Variants in MGAT4C observed in about 807,000 individuals in gnomAD.
The protein encoded by MGAT4C is MGAT4 family member C, also known as alpha-1,3-mannosyl-glycoprotein 4-beta-N-acetylglucosaminyltransferase C.
In MGAT4C, 19 loss-of-function variants were observed where a neutral mutation model predicts 40.1. That is an observed-to-expected ratio of 0.47 (90% CI 0.33 to 0.70). The LOEUF (loss-of-function observed/expected upper bound fraction) is 0.70. Ranked by LOEUF, MGAT4C falls within the 30% of genes least tolerant of loss-of-function variation. MGAT4C has a pLI of 0.02. For synonymous variants in MGAT4C, 181 were observed against 187.1 expected (o/e 0.97, Z 0.27); for missense variants, 491 against 563.2 (o/e 0.87, Z 1.30).
At chr12:86,083,010 T>C (rs2135547791) in intron 1 of MGAT4C, among the ~76,000 whole-genome samples, 1 of 152,190 alleles carries the variant, frequency 6.6e-6, no homozygotes, top group South Asian at 2.1e-4. Context: ...AGTCTCAATC[T>C]ACCCACAAAT....
intron 4 of MGAT4C, among the ~76,000 whole-genome samples, chr12:86,292,543 T>C (rs765108286): frequency 3.9e-5 from 6 of 152,062 alleles, no homozygotes; most frequent in Non-Finnish European, 5.9e-5. Context: ...CAAAACAAGT[T>C]AATTCAGAAA....
chr12:86,774,145 G>A (rs1001909142), intron 1 of MGAT4C, among the ~76,000 whole-genome samples: 2 of 151,182 alleles, frequency 1.3e-5, no homozygotes, highest in Non-Finnish European at 2.9e-5. Flanking sequence ...GTAAACATCG[G>A]ATTTCACTAT....
chr12:86,774,280 G>T (rs1951691886), intron 1 of MGAT4C, among the ~76,000 whole-genome samples: 1 of 37,836 alleles, frequency 2.6e-5, no homozygotes, highest in Non-Finnish European at 5.5e-5. Context: ...TCTAAGGCTT[G>T]CTCTTTCTTT....
chr12:86,641,288 A>G (rs567178279), intron 2 of MGAT4C, among the ~76,000 whole-genome samples: 1 of 151,598 alleles, frequency 6.6e-6, no homozygotes, highest in South Asian at 2.1e-4. Flanking sequence ...CAAACACCAC[A>G]TATTCTCACT....
At chr12:86,117,985 A>G (rs1307850360) in intron 1 of MGAT4C, among the ~76,000 whole-genome samples, 1 of 152,202 alleles carries the variant, frequency 6.6e-6, no homozygotes, top group East Asian at 1.9e-4. Context: ...AAAAATCACA[A>G]ACTAGAAAAA....
At chr12:86,150,435 C>T (rs1450913047) in intron 1 of MGAT4C, among the ~76,000 whole-genome samples, 1 of 152,212 alleles carries the variant, frequency 6.6e-6, no homozygotes, top group African/African-American at 2.4e-5. Context: ...TGTCCCTGCA[C>T]TTCCACTCCC....
intron 3 of MGAT4C, among the ~76,000 whole-genome samples, chr12:86,340,794 G>C (rs1954890718): frequency 6.6e-6 from 1 of 152,122 alleles, no homozygotes; most frequent in African/African-American, 2.4e-5. Flanking sequence ...TCCTCATAGA[G>C]TGAACATGAT....
At chr12:86,504,133 A>G (rs1319056729) in intron 2 of MGAT4C, among the ~76,000 whole-genome samples, 1 of 152,052 alleles carries the variant, frequency 6.6e-6, no homozygotes, top group Admixed American at 6.6e-5. Flanking sequence ...ATGCCACTGT[A>G]AATCTTCAGA....
Position 86,203,913 on chromosome 12 carries a change from C to A in MGAT4C, c.-57+52326G>T, listed in dbSNP as rs113049872. 3.0e-3 allele frequency among the ~76,000 whole-genome samples: 450 copies of A among 148,302 alleles called. 2 individuals carry two copies. The highest frequency in any genetic ancestry group is 0.011 in the African/African-American group (436 of 40,362). The stretch of plus-strand genomic sequence containing the variant: ...CAGAGGTTGCAGTGAGCGGAGATCG[C>A]GCCATTGCACTCCAGCCTGGGCAAC... On this transcript the variant is annotated intron_variant, in intron 1 of 4. Coordinates refer to ENST00000611864, the MANE Select transcript of MGAT4C (RefSeq NM_001351288.2).
intron 1 of MGAT4C, among the ~76,000 whole-genome samples, chr12:86,744,859 T>C (rs541116548): frequency 2.0e-5 from 3 of 151,464 alleles, no homozygotes; most frequent in Non-Finnish European, 4.4e-5. Flanking sequence ...AACAATTTTA[T>C]GACAAGGATC....
intron 4 of MGAT4C, among the ~76,000 whole-genome samples, chr12:86,269,525 G>T (rs1431696537): frequency 6.6e-6 from 1 of 150,480 alleles, no homozygotes; most frequent in Non-Finnish European, 1.5e-5. Context: ...GTTTTACAGT[G>T]TTAACTGAAT....
chr12:86,457,431 G>A (rs1253400275), intron 2 of MGAT4C, among the ~76,000 whole-genome samples: 1 of 151,962 alleles, frequency 6.6e-6, no homozygotes, highest in African/African-American at 2.4e-5. Context: ...CTTTTTAATT[G>A]TCTCAGTGTA....
intron 3 of MGAT4C, among the ~76,000 whole-genome samples, chr12:86,400,357 G>C (rs1956334354): frequency 6.6e-6 from 1 of 152,124 alleles, no homozygotes; most frequent in Non-Finnish European, 1.5e-5. Flanking sequence ...AATAAAGACT[G>C]TATTACCCAA....
At chr12:86,137,040 C>G (rs923035778) in intron 1 of MGAT4C, among the ~76,000 whole-genome samples, 1 of 152,284 alleles carries the variant, frequency 6.6e-6, no homozygotes, top group Admixed American at 6.5e-5. Context: ...GAAATCCTAT[C>G]TGGTGTCCTG....
intron 1 of MGAT4C, among the ~76,000 whole-genome samples, chr12:86,065,014 G>A (rs1349389876): frequency 6.6e-6 from 1 of 152,138 alleles, no homozygotes; most frequent in Non-Finnish European, 1.5e-5. Flanking sequence ...ATACCAGGAA[G>A]AAGTTGCATC....
chr12:86,479,399 G>A (rs1480692472), intron 2 of MGAT4C, among the ~76,000 whole-genome samples: 1 of 151,740 alleles, frequency 6.6e-6, no homozygotes, highest in Non-Finnish European at 1.5e-5. Flanking sequence ...TACTCTCTTG[G>A]GTAAAGTGAG....
chr12:86,139,534 A>G, intron 1 of MGAT4C, among the ~76,000 whole-genome samples: 1 of 152,170 alleles, frequency 6.6e-6, no homozygotes, highest in Non-Finnish European at 1.5e-5. Context: ...ATAATATTTC[A>G]TTATATAAGT....
chr12:86,386,880 G>A (rs1031696070), intron 3 of MGAT4C, among the ~76,000 whole-genome samples: 2 of 152,066 alleles, frequency 1.3e-5, no homozygotes, highest in African/African-American at 4.8e-5. Flanking sequence ...ATATATTCAT[G>A]CAAAGTTCAA....
chr12:86,509,034 T>A (rs567707718), intron 2 of MGAT4C, among the ~76,000 whole-genome samples: 1 of 152,224 alleles, frequency 6.6e-6, no homozygotes, highest in South Asian at 2.1e-4. Context: ...GATGGTAGTT[T>A]CTTTTGCTGT....
Sources: allele counts gnomAD v4.1 joint callset (sites outside exome capture counted in the v4.1 genomes callset), GRCh38; gene constraint gnomAD v4.1.1; transcripts MANE v1.5; gene names NCBI Gene and HGNC (gene_info 2026-07-23, HGNC 2026-07-21).